The following ERBB4 variants were observed in gnomAD, a reference collection of about 807,000 sequenced individuals.
ERBB4 encodes receptor tyrosine-protein kinase erbB-4.
Under a neutral mutation model 158.0 loss-of-function variants are expected in ERBB4, and 42 were observed. The observed-to-expected ratio is 0.27, with a 90% CI of 0.21 to 0.34. The LOEUF (loss-of-function observed/expected upper bound fraction) is 0.34. Ranked by LOEUF, ERBB4 falls within the 10% of genes least tolerant of loss-of-function variation. ERBB4 has a pLI of 1.00. For synonymous variants in ERBB4, 583 were observed against 558.7 expected, an observed-to-expected ratio of 1.04 and a Z score of -0.61; for missense variants, 1,333 against 1,624.1, an observed-to-expected ratio of 0.82 and a Z score of 3.08.
intron 20 of ERBB4, among the ~76,000 whole-genome samples, chr2:211,523,004 G>A (rs1267603921): frequency 6.6e-6 from 1 of 151,056 alleles, no homozygotes; most frequent in Non-Finnish European, 1.5e-5. Flanking sequence ...ATGCATTAGT[G>A]ATCTTACTGT....
intron 16 of ERBB4, among the ~76,000 whole-genome samples, chr2:211,655,770 C>T (rs960779121): frequency 2.0e-5 from 3 of 152,138 alleles, no homozygotes; most frequent in Non-Finnish European, 4.4e-5. Flanking sequence ...GCCTTCGGCA[C>T]TCTCTCCCTC....
At chr2:211,621,048 G>A (rs961998920) in intron 18 of ERBB4, among the ~76,000 whole-genome samples, 18 of 152,164 alleles carry the variant, frequency 1.2e-4, no homozygotes, top group African/African-American at 4.3e-4. Flanking sequence ...CCAGGAGGTT[G>A]AGGCTACGGT....
rs569034260 is a variant in ERBB4, at chr2:212,473,600, C to A, written c.82+64849G>T. On this transcript the variant is annotated intron_variant, in intron 1 of 27. Transcript: ENST00000342788. ...AATTTTCTTTTTCAAATGTTACTAA[C>A]CATAGAGTATACTTTAACAACAATG... Among the ~76,000 whole-genome samples, 3 of 152,098 alleles carry A rather than the reference C, an allele frequency of 2.0e-5. No homozygotes were observed. The South Asian group carries it at 6.2e-4, about 32-fold the overall frequency.
chr2:211,668,051 G>A (rs2071695615), intron 14 of ERBB4, among the ~76,000 whole-genome samples: 1 of 152,124 alleles, frequency 6.6e-6, no homozygotes, highest in African/African-American at 2.4e-5. Flanking sequence ...ATATGGTATA[G>A]CCTTTTGCTC....
In ERBB4 at chr2:211,702,104, T is replaced by C; in HGVS notation, c.1352A>G (p.Lys451Arg). Residue 451 changes from lysine (K) to arginine (R), a missense_variant, in exon 12 of 28, where the codon AAG becomes AGG. Physicochemically the swap from Lys to Arg is conservative, Grantham distance 26. Around this residue, in one of 5 missense-constraint regions of ERBB4, gnomAD observed 438 missense variants for 586.9 expected, o/e 0.75. Transcript: ENST00000342788. ...GITSLQFQSL[K>R]EISAGNIYIT... is the part of the protein sequence containing the mutation. ...ATAGATGTTTCCTGCGCTGATTTCC[T>C]TCAGGGACTGGAACTGTAGAGAGGT... 1 of 1,614,152 alleles carries C rather than the reference T, an allele frequency of 6.2e-7. No homozygotes were observed. Among genetic ancestry groups the C allele is most frequent in the African/African-American group, 1.3e-5 (1 of 75,040 alleles).
chr2:211,959,836 C>A (rs976652744), intron 2 of ERBB4, among the ~76,000 whole-genome samples: 2 of 151,978 alleles, frequency 1.3e-5, no homozygotes, highest in Admixed American at 6.6e-5. Context: ...ATGACCTGGC[C>A]CCTTAGTAGT....
At chr2:211,796,371 A>G (rs2076383228) in intron 3 of ERBB4, among the ~76,000 whole-genome samples, 1 of 151,870 alleles carries the variant, frequency 6.6e-6, no homozygotes, top group Non-Finnish European at 1.5e-5. Context: ...ATTGATGGGC[A>G]TTTGGATACT....
At chr2:211,931,012 G>C (rs1331523840) in intron 3 of ERBB4, among the ~76,000 whole-genome samples, 1 of 152,098 alleles carries the variant, frequency 6.6e-6, no homozygotes, top group Non-Finnish European at 1.5e-5. Flanking sequence ...AATAATTCCA[G>C]GGGAACTAAG....
intron 1 of ERBB4, among the ~76,000 whole-genome samples, chr2:212,213,702 T>C (rs890119223): frequency 2.0e-4 from 30 of 151,894 alleles, no homozygotes; most frequent in African/African-American, 6.3e-4. Flanking sequence ...GCTGATCTAA[T>C]GGCAAAGGCT....
chr2:211,840,516 A>G (rs541019493), intron 3 of ERBB4, among the ~76,000 whole-genome samples: 2 of 152,212 alleles, frequency 1.3e-5, no homozygotes, highest in Non-Finnish European at 2.9e-5. Flanking sequence ...TGATAGATTT[A>G]TGATCCAGTT....
intron 5 of ERBB4, among the ~76,000 whole-genome samples, chr2:211,730,266 T>C (rs1041936329): frequency 6.6e-6 from 1 of 151,998 alleles, no homozygotes. Context: ...ATTAAATATT[T>C]ATTGTTGCTT....
intron 20 of ERBB4, among the ~76,000 whole-genome samples, chr2:211,520,957 A>G (rs1233333658): frequency 6.6e-6 from 1 of 152,126 alleles, no homozygotes; most frequent in African/African-American, 2.4e-5. Context: ...TGTAGGTTCT[A>G]ACTGCTCTAC....
At chr2:212,517,772 T>C (rs978597243) in intron 1 of ERBB4, among the ~76,000 whole-genome samples, 2 of 152,096 alleles carry the variant, frequency 1.3e-5, no homozygotes, top group Non-Finnish European at 2.9e-5. Flanking sequence ...AAAAGTTATA[T>C]AGCATTATCT....
chr2:211,648,992 A>G (rs374418034), intron 16 of ERBB4, among the ~76,000 whole-genome samples: 14 of 151,992 alleles, frequency 9.2e-5, no homozygotes, highest in African/African-American at 3.1e-4. Context: ...TCACTTAAGA[A>G]AATATTTTTT....
intron 16 of ERBB4, among the ~76,000 whole-genome samples, chr2:211,632,963 C>T (rs1252472708): frequency 6.6e-6 from 1 of 152,002 alleles, no homozygotes; most frequent in Admixed American, 6.6e-5. Flanking sequence ...TTTTATTGAA[C>T]ATTATAAGAG....
At chr2:211,724,348 CTT>C (rs560874073) in intron 6 of ERBB4, among the ~76,000 whole-genome samples, 4 of 137,650 alleles carry the variant, frequency 2.9e-5, no homozygotes, top group African/African-American at 2.6e-5. Context: ...AAGTGTCTTT[CTT>C]TTTTTTTTTT....
rs1323797083 is a variant in ERBB4 at position 211,376,488 on chromosome 2, A to G, written c.*7127T>C. The G allele has an allele frequency of 4.3e-6, 1 of 232,752 alleles. No homozygotes were observed. The highest frequency in any genetic ancestry group is 6.1e-5 in the East Asian group (1 of 16,486). 14.4% of individuals were successfully genotyped at this position (232,752 alleles called of 1,614,324 possible). ...GCTAACTTTGAATGCAGGGATTTAA[A>G]TAAAACATTGATGGCTTACCAGCAA... On this transcript the variant is annotated 3_prime_UTR_variant, in exon 28 of 28. Coordinates refer to ENST00000342788, the MANE Select transcript of ERBB4 (RefSeq NM_005235.3).
chr2:212,212,094 G>C (rs1301562561), intron 1 of ERBB4, among the ~76,000 whole-genome samples: 1 of 151,958 alleles, frequency 6.6e-6, no homozygotes, highest in Non-Finnish European at 1.5e-5. Flanking sequence ...GGGATTGCTG[G>C]ATCAAATGGT....
Position 212,363,920 on chromosome 2 carries a change from G to A in ERBB4, c.82+174529C>T, listed in dbSNP as rs186722422. On this transcript the variant is annotated intron_variant, in intron 1 of 27. Transcript: ENST00000342788. Reference sequence around the variant, plus strand: ...ATAGATACCAAACAGCTAATGGAAAGAGGATCAAGGATCAGAGAAATTGTG... The same window carrying A: ...ATAGATACCAAACAGCTAATGGAAAAAGGATCAAGGATCAGAGAAATTGTG... Among the ~76,000 whole-genome samples the A allele has an allele frequency of 2.0e-5, 3 of 151,754 alleles. No individual in the cohort carries two copies. In the Admixed American group the frequency reaches 2.0e-4, roughly 10 times the overall value.
Sources: allele counts gnomAD v4.1 joint callset (sites outside exome capture counted in the v4.1 genomes callset), GRCh38; gene constraint gnomAD v4.1.1; regional missense constraint gnomAD v4.1.1; transcripts MANE v1.5; gene names NCBI Gene and HGNC (gene_info 2026-07-23, HGNC 2026-07-21).